ELMO2: variants seen among roughly 807,000 people sequenced by gnomAD.
ELMO2 encodes the protein engulfment and cell motility 2.
Under a neutral mutation model 96.2 loss-of-function variants are expected in ELMO2, and 37 were observed. The observed-to-expected ratio is 0.38, with a 90% CI of 0.30 to 0.51. The LOEUF (loss-of-function observed/expected upper bound fraction) is 0.51, where lower values mean the gene tolerates loss of function less well. Ranked by LOEUF, ELMO2 falls within the 20% of genes least tolerant of loss-of-function variation. The pLI, the probability that ELMO2 is intolerant of heterozygous loss-of-function variation, is 0.88. For missense variants in ELMO2, 561 were observed against 912.6 expected (o/e 0.61, Z 4.96); for synonymous variants, 315 against 329.4 (o/e 0.96, Z 0.47).
At position 46,386,240 on chromosome 20, in the gene ELMO2, C is replaced by T; in HGVS notation, c.561G>A (p.Val187=). ...TGGCCAGGGACCTCTGAAGGATTGA[C>T]ACGTCCACCATGGGCTGGCTCACAT... The part of the protein sequence containing the change: ...AGYVSQPMVD[V]SILQRSLAIL... Residue 187 remains valine, a synonymous_variant, in exon 9 of 22, where the codon GTG becomes GTA. Coordinates refer to ENST00000290246, the MANE Select transcript of ELMO2 (RefSeq NM_133171.5). 6.2e-7 allele frequency: 1 copy of T among 1,614,114 alleles called. No individual in the cohort carries two copies. Among genetic ancestry groups the T allele is most frequent in the Non-Finnish European group, 8.5e-7 (1 of 1,180,004 alleles).
chr20:46,403,046 T>A (rs953731268), intron 1 of ELMO2, among the ~76,000 whole-genome samples: 1 of 152,234 alleles, frequency 6.6e-6, no homozygotes, highest in Non-Finnish European at 1.5e-5. Flanking sequence ...GTAAAGCTGT[T>A]GTGAGCATCA....
intron 1 of ELMO2, among the ~76,000 whole-genome samples, chr20:46,405,002 G>T (rs1377898513): frequency 6.6e-6 from 1 of 152,090 alleles, no homozygotes; most frequent in Non-Finnish European, 1.5e-5. Context: ...CAGTGACCAC[G>T]ATTCACATCC....
chr20:46,378,410 C>T (rs57631342), intron 11 of ELMO2, among the ~76,000 whole-genome samples: 2,612 of 152,236 alleles, frequency 0.017, 65 homozygotes, highest in African/African-American at 0.059. Flanking sequence ...ACTTCTAACC[C>T]GATTAAATAG....
intron 20 of ELMO2, 24 bp downstream of exon 20, chr20:46,370,419 A>T: frequency 6.2e-7 from 1 of 1,605,076 alleles, no homozygotes; most frequent in South Asian, 1.1e-5. Context: ...TGGGCCAGCT[A>T]CTCAAACTGG....
chr20:46,377,422 C>T lies in ELMO2; in HGVS notation c.808-1632G>A, dbSNP rs575731268. Among the ~76,000 whole-genome samples the T allele has an allele frequency of 4.6e-5, 7 of 152,242 alleles. No homozygotes were observed. In the South Asian group the frequency reaches 8.3e-4, roughly 18 times the overall value. On this transcript the variant is annotated intron_variant, in intron 11 of 21. Coordinates refer to ENST00000290246, the MANE Select transcript of ELMO2 (RefSeq NM_133171.5). ...TGGTTTGGGTTCTATGTCCACTGGA[C>T]GGTCCTGCTCTAGACCTCTTCCCCT...
intron 11 of ELMO2, chr20:46,376,577 C>A: frequency 4.0e-6 from 5 of 1,261,636 alleles, no homozygotes; most frequent in Admixed American, 2.3e-5. Context: ...GCTATGTCTC[C>A]CTCGGTCTGT....
At chr20:46,401,841 A>G (rs2060341780) in intron 1 of ELMO2, among the ~76,000 whole-genome samples, 1 of 151,968 alleles carries the variant, frequency 6.6e-6, no homozygotes, top group Non-Finnish European at 1.5e-5. Flanking sequence ...TAATCCTCTC[A>G]CCTCAGGGAA....
intron 1 of ELMO2, among the ~76,000 whole-genome samples, chr20:46,401,226 A>G (rs2060329564): frequency 6.6e-6 from 1 of 152,168 alleles, no homozygotes; most frequent in Non-Finnish European, 1.5e-5. Context: ...AAGTGATTCA[A>G]CTTCCCTTAG....
rs71327410 is a variant in ELMO2, at chr20:46,374,325, G to C, written c.1279+7C>G. On this transcript the variant is annotated splice_region_variant and intron_variant, in intron 15 of 21. Transcript: ENST00000290246. ...TGGCTGAAGAAGAGGGAGCTGCAGA[G>C]ACTTACGTAGTTCCCCAACCTGCAG... is the stretch of plus-strand genomic sequence containing the variant. The C allele has an allele frequency of 6.2e-7, 1 of 1,609,622 alleles. No homozygotes were observed. Among genetic ancestry groups the C allele is most frequent in the Non-Finnish European group, 8.5e-7 (1 of 1,176,076 alleles).
intron 15 of ELMO2, 46 bp from the exon 16 acceptor site, chr20:46,373,581 A>G (rs759244804): frequency 6.3e-6 from 10 of 1,599,080 alleles, no homozygotes; most frequent in East Asian, 4.5e-5. Context: ...TCTGTCCACA[A>G]GGGCCTGGGA....
intron 10 of ELMO2, chr20:46,382,330 A>G (rs938484946): frequency 1.7e-6 from 2 of 1,198,754 alleles, no homozygotes; most frequent in South Asian, 2.5e-5. Flanking sequence ...GCAGATTAAC[A>G]GAGCCAAGCC....
rs1249870416 is a variant in ELMO2 at position 46,370,589 on chromosome 20, GTGCTGGAAGGGAGGTACTGGGGCAGA to G, written c.1802-90_1802-65del. The G allele has an allele frequency of 2.0e-6, 3 of 1,477,454 alleles. No individual in the cohort carries two copies. The African/African-American group carries it at 4.2e-5, about 21-fold the overall frequency. The allele number at this position is 1,477,454 out of a possible 1,614,324, so 91.5% of individuals were successfully genotyped here. A position where few individuals can be genotyped will look rare whatever the true frequency, so the allele number is the denominator to read the frequency against. On this transcript the variant is annotated intron_variant, in intron 19 of 21. Coordinates refer to ENST00000290246, the MANE Select transcript of ELMO2 (RefSeq NM_133171.5). ...TGCAAGCTGGTCAGTGCCTACATCA[GTGCTGGAAGGGAGGTACTGGGGCAGA>G]TGCATAGGAAGCCTCAGCCCCAAAC...
intron 16 of ELMO2, among the ~76,000 whole-genome samples, chr20:46,372,405 C>T (rs1224324194): frequency 4.6e-5 from 7 of 152,136 alleles, no homozygotes; most frequent in South Asian, 2.1e-4. Context: ...CTGAGGCAGG[C>T]GGATCACCTG....
intron 9 of ELMO2, 70 bp downstream of exon 9, chr20:46,386,054 A>G: frequency 6.5e-7 from 1 of 1,539,966 alleles, no homozygotes; most frequent in East Asian, 2.3e-5. Context: ...GTAGGATTGG[A>G]AGACTTAAAA....
chr20:46,403,203 G>C (rs2060364772), intron 1 of ELMO2, among the ~76,000 whole-genome samples: 1 of 152,210 alleles, frequency 6.6e-6, no homozygotes, highest in South Asian at 2.1e-4. Context: ...CAAAATAAGA[G>C]AGCATATGTG....
At chr20:46,367,673 A>G in intron 21 of ELMO2, 113 bp from the exon 22 acceptor site, 2 of 686,616 alleles carry the variant, frequency 2.9e-6, no homozygotes, top group Non-Finnish European at 4.5e-6. Flanking sequence ...ACTAATCAGT[A>G]TAGGCAAAAC....
At chr20:46,405,840 C>A (rs1455077712) in intron 1 of ELMO2, among the ~76,000 whole-genome samples, 1 of 152,082 alleles carries the variant, frequency 6.6e-6, no homozygotes, top group Non-Finnish European at 1.5e-5. Context: ...GCCGAGATCG[C>A]GCCATTGCAC....
At chr20:46,380,060 T>C (rs1279991124) in intron 11 of ELMO2, 193 bp downstream of exon 11, 2 of 497,768 alleles carry the variant, frequency 4.0e-6, no homozygotes, top group African/African-American at 1.9e-5. Context: ...GCTGGTGAGA[T>C]GGCTGCCTAG....
rs2060105428 is a variant in ELMO2, at chr20:46,389,148, C to A, written c.316G>T (p.Glu106Ter). The change falls in exon 7 of 22, where the codon GAG becomes TAG. Residue 106 changes from glutamate (E) to a stop codon, truncating the protein, a stop_gained. Transcript: ENST00000290246. LOFTEE classifies it high-confidence loss of function. ...ACGTCGGCAGAGAGCTTGGCCAGCT[C>A]CTTCATGGCATCCAGCCGGGTCTCC... ...NMETRLDAMK[E>*]LAKLSADVTF... The A allele has an allele frequency of 6.2e-7, 1 of 1,614,174 alleles. No individual in the cohort carries two copies. The highest frequency in any genetic ancestry group is 8.5e-7 in the Non-Finnish European group (1 of 1,180,012).
Sources: gnomAD v4.1 joint callset for allele counts (sites outside exome capture counted in the v4.1 genomes callset) on GRCh38, gnomAD v4.1.1 for gene constraint, MANE v1.5 for transcripts, NCBI Gene and HGNC (gene_info 2026-07-23, HGNC 2026-07-21) for gene names.